Variants in UBE2G1 observed in about 807,000 individuals in gnomAD.
The protein encoded by UBE2G1 is ubiquitin-conjugating enzyme E2 G1.
In UBE2G1, 5 loss-of-function variants were observed where a neutral mutation model predicts 22.7. The observed-to-expected ratio is 0.22, with a 90% CI of 0.12 to 0.46. The LOEUF (loss-of-function observed/expected upper bound fraction) is 0.46, where lower values mean the gene tolerates loss of function less well. UBE2G1 is among the 20% of genes least tolerant of loss of function. The probability of loss-of-function intolerance (pLI) is 0.99; values close to 1 mark genes in which losing one functional copy is unlikely to be tolerated. For synonymous variants in UBE2G1, 74 were observed against 67.5 expected (o/e 1.10, Z -0.47); for missense variants, 88 against 203.9 (o/e 0.43, Z 3.46).
Position 4,271,347 on chromosome 17 carries a change from C to G in UBE2G1, c.*1207G>C, listed in dbSNP as rs1968757671. 1 of 152,616 alleles carries G rather than the reference C, an allele frequency of 6.6e-6. No individual in the cohort carries two copies. The highest frequency in any genetic ancestry group is 1.5e-5 in the Non-Finnish European group (1 of 68,044). 9.5% of individuals were successfully genotyped at this position (152,616 alleles called of 1,614,324 possible). Reference sequence around the variant, plus strand: ...TTAAAAGTTCATTTGCATAAGGAATCAACCTGAGATTTTCCTAAACCACTT... The same window carrying G: ...TTAAAAGTTCATTTGCATAAGGAATGAACCTGAGATTTTCCTAAACCACTT... On this transcript the variant is annotated 3_prime_UTR_variant, in exon 6 of 6. Coordinates refer to ENST00000396981, the MANE Select transcript of UBE2G1 (RefSeq NM_003342.5).
At position 4,289,301 on chromosome 17, in the gene UBE2G1, T is replaced by A; in HGVS notation, c.355A>T (p.Thr119Ser). 1 of 1,600,376 alleles carries A rather than the reference T, an allele frequency of 6.2e-7. No homozygotes were observed. The change falls in exon 4 of 6, where the codon ACC becomes TCC. Residue 119 changes from threonine to serine, a missense_variant. Coordinates refer to ENST00000396981, the MANE Select transcript of UBE2G1 (RefSeq NM_003342.5). ...ATAGAAATGACACTAATCATGATGG[T>A]TTCCACAGTGTGGATAGGGAGCCAG... ...ERWLPIHTVE[T>S]IMISVISMLA...
At chr17:4,309,329 T>C (rs1262423018) in intron 1 of UBE2G1, among the ~76,000 whole-genome samples, 2 of 152,234 alleles carry the variant, frequency 1.3e-5, no homozygotes, top group South Asian at 2.1e-4. Flanking sequence ...GGGAGATTTT[T>C]ATAAGTCTAA....
intron 1 of UBE2G1, 50 bp downstream of exon 1, chr17:4,366,221 G>A (rs767002591): frequency 1.3e-6 from 2 of 1,499,736 alleles, no homozygotes; most frequent in Middle Eastern, 2.2e-4. Flanking sequence ...CTGGGCTGCG[G>A]CTGTCCGCGA....
intron 1 of UBE2G1, among the ~76,000 whole-genome samples, chr17:4,326,733 A>G (rs1357059837): frequency 6.6e-6 from 1 of 152,270 alleles, no homozygotes; most frequent in Non-Finnish European, 1.5e-5. Flanking sequence ...GTATATACAT[A>G]CAACAGGATG....
At chr17:4,290,874 C>T (rs868859816) in intron 3 of UBE2G1, among the ~76,000 whole-genome samples, 4 of 151,182 alleles carry the variant, frequency 2.6e-5, no homozygotes, top group South Asian at 2.1e-4. Context: ...CTGCGCTGGC[C>T]GACAAATACT....
At chr17:4,347,469 C>T (rs889043960) in intron 1 of UBE2G1, among the ~76,000 whole-genome samples, 38 of 89,508 alleles carry the variant, frequency 4.2e-4, no homozygotes, top group African/African-American at 7.7e-4. Context: ...AGTATTTCTT[C>T]TTTTTTTTTT....
chr17:4,317,203 A>G (rs1391122409), intron 1 of UBE2G1, among the ~76,000 whole-genome samples: 1 of 152,184 alleles, frequency 6.6e-6, no homozygotes, highest in Non-Finnish European at 1.5e-5. Flanking sequence ...TACAAAAATT[A>G]GCCAGGCGTG....
chr17:4,356,883 CTTT>C (rs906016537), intron 1 of UBE2G1, among the ~76,000 whole-genome samples: 4 of 152,190 alleles, frequency 2.6e-5, no homozygotes, highest in Non-Finnish European at 5.9e-5. Context: ...TTACAGGTGA[CTTT>C]TTTTAAAAAC....
intron 5 of UBE2G1, among the ~76,000 whole-genome samples, chr17:4,274,893 A>G (rs1407908942): frequency 1.3e-5 from 2 of 152,216 alleles, no homozygotes; most frequent in Non-Finnish European, 2.9e-5. Context: ...TGTACAATAA[A>G]TAATATAATT....
At chr17:4,277,867 C>T (rs1158973720) in intron 5 of UBE2G1, among the ~76,000 whole-genome samples, 1 of 151,870 alleles carries the variant, frequency 6.6e-6, no homozygotes, top group East Asian at 1.9e-4. Context: ...GGTGAGGCTG[C>T]TGACTATTCA....
rs74486068 is a variant in UBE2G1, at chr17:4,347,826, C to T, written c.46+18445G>A. Among the ~76,000 whole-genome samples, 81 of 152,048 alleles carry T rather than the reference C, an allele frequency of 5.3e-4. 2 individuals are homozygous for T. The East Asian group carries it at 0.016, about 29-fold the overall frequency. ...GTTATGGTGATCTGTGATCAGTGATCTTTGGTTTTTCTATTATAATTGTTT... is the reference window on the plus strand; with the variant it reads ...GTTATGGTGATCTGTGATCAGTGATTTTTGGTTTTTCTATTATAATTGTTT... On this transcript the variant is annotated intron_variant, in intron 1 of 5. Coordinates refer to ENST00000396981, the MANE Select transcript of UBE2G1 (RefSeq NM_003342.5).
chr17:4,298,732 T>G lies in UBE2G1; in HGVS notation c.150-1918A>C, dbSNP rs141671972. ...ACTTAAGCATAATAAACAGGACAAT[T>G]TATACAAAAAATTTAACAGTTGAAG... On this transcript the variant is annotated intron_variant, in intron 2 of 5. Transcript: ENST00000396981. 1.8e-3 allele frequency among the ~76,000 whole-genome samples: 267 copies of G among 152,100 alleles called. 1 individual carries two copies. The highest frequency in any genetic ancestry group is 3.4e-3 in the Middle Eastern group (1 of 294).
chr17:4,354,341 T>C (rs1243063017), intron 1 of UBE2G1, among the ~76,000 whole-genome samples: 1 of 152,138 alleles, frequency 6.6e-6, no homozygotes, highest in African/African-American at 2.4e-5. Context: ...ATCCCAATAG[T>C]ACACAAAATG....
Position 4,271,808 on chromosome 17 carries a change from C to T in UBE2G1, c.*746G>A, listed in dbSNP as rs987103747. ...AATGACTGGGATCAAGAGCTCACAACGGCCAATAAATGTTATTGCTATATC... is the reference window on the plus strand; with the variant it reads ...AATGACTGGGATCAAGAGCTCACAATGGCCAATAAATGTTATTGCTATATC... On this transcript the variant is annotated 3_prime_UTR_variant, in exon 6 of 6. Transcript: ENST00000396981. 1.3e-5 allele frequency: 2 copies of T among 151,440 alleles called. No homozygotes were observed. The highest frequency in any genetic ancestry group is 2.4e-5 in the African/African-American group (1 of 40,998). 9.4% of individuals were successfully genotyped at this position (151,440 alleles called of 1,614,324 possible).
chr17:4,343,977 G>A (rs1422625066), intron 1 of UBE2G1, among the ~76,000 whole-genome samples: 2 of 152,070 alleles, frequency 1.3e-5, no homozygotes, highest in African/African-American at 4.8e-5. Context: ...CTAAAGCTCT[G>A]GGGATGTTTC....
rs1968731994 is a variant in UBE2G1, at chr17:4,269,911, C to T, written c.*2643G>A. ...GGCACTGGTGGGACAAAAGCCACCT[C>T]GTTCAGTGTCACCTGAATGTGGGTT... On this transcript the variant is annotated 3_prime_UTR_variant, in exon 6 of 6. Transcript: ENST00000396981. 6.5e-6 allele frequency: 1 copy of T among 153,306 alleles called. No homozygotes were observed. Among genetic ancestry groups the T allele is most frequent in the South Asian group, 1.9e-4 (1 of 5,140 alleles). The allele number at this position is 153,306 out of a possible 1,614,324, so 9.5% of individuals were successfully genotyped here. A position where few individuals can be genotyped will look rare whatever the true frequency, so the allele number is the denominator to read the frequency against.
intron 1 of UBE2G1, among the ~76,000 whole-genome samples, chr17:4,307,368 C>A (rs547220830): frequency 3.9e-5 from 6 of 152,124 alleles, no homozygotes; most frequent in Non-Finnish European, 7.4e-5. Flanking sequence ...TCTTGTCATT[C>A]TAAGTGGCCC....
intron 1 of UBE2G1, among the ~76,000 whole-genome samples, chr17:4,313,693 C>T (rs1277745377): frequency 2.6e-5 from 4 of 152,152 alleles, no homozygotes; most frequent in Non-Finnish European, 5.9e-5. Context: ...AGGCATGGAA[C>T]GGACTTCTGG....
At chr17:4,362,574 T>A (rs763497286) in intron 1 of UBE2G1, among the ~76,000 whole-genome samples, 4 of 152,202 alleles carry the variant, frequency 2.6e-5, no homozygotes, top group African/African-American at 4.8e-5. Flanking sequence ...GTAACCAGAT[T>A]CTTCATTATG....
Sources: gnomAD v4.1 joint callset for allele counts (sites outside exome capture counted in the v4.1 genomes callset) on GRCh38, gnomAD v4.1.1 for gene constraint, MANE v1.5 for transcripts, NCBI Gene and HGNC (gene_info 2026-07-23, HGNC 2026-07-21) for gene names.